The following TRHDE variants were observed in gnomAD, a reference collection of about 807,000 sequenced individuals.
TRHDE encodes the protein thyrotropin releasing hormone degrading enzyme.
TRHDE carries 72 observed loss-of-function variants against 125.7 expected under a neutral mutation model. That is an observed-to-expected ratio of 0.57 (90% confidence interval 0.47 to 0.70). The LOEUF (loss-of-function observed/expected upper bound fraction) is 0.70, where lower values mean the gene tolerates loss of function less well. Among genes scored for constraint, TRHDE ranks in the 30% least tolerant of loss-of-function variants. The pLI, the probability that TRHDE is intolerant of heterozygous loss-of-function variation, is 0.00. For synonymous variants in TRHDE, 509 were observed against 509.1 expected, an observed-to-expected ratio of 1.00 and a Z score of 0.00; for missense variants, 1,110 against 1,327.1, an observed-to-expected ratio of 0.84 and a Z score of 2.54.
chr12:72,228,827 A>G (rs1878188824), intron 2 of TRHDE, among the ~76,000 whole-genome samples: 1 of 152,196 alleles, frequency 6.6e-6, no homozygotes, highest in Admixed American at 6.5e-5. Flanking sequence ...AAGTTCCACA[A>G]ATCTCTAGGG....
intron 3 of TRHDE, among the ~76,000 whole-genome samples, chr12:72,416,089 T>C (rs574374609): frequency 6.6e-6 from 1 of 152,052 alleles, no homozygotes; most frequent in East Asian, 1.9e-4. Context: ...CCTGTTTTTT[T>C]TAACTTTGGT....
intron 2 of TRHDE, among the ~76,000 whole-genome samples, chr12:72,260,272 A>C (rs777512399): frequency 2.0e-5 from 3 of 152,196 alleles, no homozygotes; most frequent in Non-Finnish European, 4.4e-5. Flanking sequence ...TCTCCAGGAG[A>C]ACCATCATTT....
intron 6 of TRHDE, among the ~76,000 whole-genome samples, chr12:72,528,687 C>T (rs1868392537): frequency 6.6e-6 from 1 of 152,000 alleles, no homozygotes; most frequent in Non-Finnish European, 1.5e-5. Context: ...CGGGGTTTCA[C>T]CATGTTGTTC....
At chr12:72,130,418 A>G (rs142328979) in intron 2 of TRHDE, among the ~76,000 whole-genome samples, 7 of 152,198 alleles carry the variant, frequency 4.6e-5, no homozygotes, top group African/African-American at 7.2e-5. Flanking sequence ...AGTTATAAAG[A>G]TAGTATTGTA....
chr12:72,134,160 T>C (rs1875928200), intron 2 of TRHDE, among the ~76,000 whole-genome samples: 1 of 152,188 alleles, frequency 6.6e-6, no homozygotes, highest in Non-Finnish European at 1.5e-5. Context: ...AAAGTAACCA[T>C]AGTTTGAAAA....
At chr12:72,133,686 A>T (rs1014513455) in intron 2 of TRHDE, among the ~76,000 whole-genome samples, 1 of 152,196 alleles carries the variant, frequency 6.6e-6, no homozygotes, top group East Asian at 1.9e-4. Context: ...CCCTTGTTGC[A>T]TGCCAAAGGC....
At position 72,251,447 on chromosome 12, in the gene TRHDE, A is replaced by T. The variant is rs1416134265; in HGVS notation, n.280-126548A>T. ...CTTTTTTTTTTTTTTTTCACTCAGC[A>T]CAATTACCTGGAGATGCATCCAAGT... On this transcript the variant is annotated intron_variant and non_coding_transcript_variant, in intron 2 of 4. Transcript: ENST00000548156. 7.5e-5 allele frequency among the ~76,000 whole-genome samples: 11 copies of T among 147,272 alleles called. No homozygotes were observed. The Admixed American group carries it at 7.5e-4, about 10-fold the overall frequency.
chr12:72,317,346 G>A (rs767617752), intron 2 of TRHDE, among the ~76,000 whole-genome samples: 2 of 152,138 alleles, frequency 1.3e-5, no homozygotes, highest in Non-Finnish European at 2.9e-5. Flanking sequence ...GATAAAAATT[G>A]TAATACAGAT....
chr12:72,092,698 G>C (rs555264895), intron 1 of TRHDE, among the ~76,000 whole-genome samples: 1 of 152,130 alleles, frequency 6.6e-6, no homozygotes, highest in Non-Finnish European at 1.5e-5. Context: ...TAGTCTAGGG[G>C]CATGTGCTTT....
At chr12:72,447,261 T>C (rs898190250) in intron 3 of TRHDE, among the ~76,000 whole-genome samples, 4 of 152,108 alleles carry the variant, frequency 2.6e-5, no homozygotes, top group African/African-American at 9.7e-5. Flanking sequence ...TGCTCCTGAA[T>C]GGCTACTGGG....
rs1192848163 is a variant in TRHDE, at chr12:72,095,343, CAAGT to C, written n.174+7905_174+7908del. Among the ~76,000 whole-genome samples the C allele has an allele frequency of 5.3e-5, 8 of 152,104 alleles. 1 individual carries two copies. Among genetic ancestry groups the C allele is most frequent in the Admixed American group, 3.9e-4 (6 of 15,278 alleles). The stretch of plus-strand genomic sequence containing the variant: ...ACAATATCCAATTTGGCATTTGAAG[CAAGT>C]GTTATAAATATAGACTGTAGAGATC... On this transcript the variant is annotated intron_variant and non_coding_transcript_variant, in intron 1 of 4. Transcript: ENST00000548156.
At chr12:72,154,183 TTTAAAGTCTGTTTTA>T (rs1876444311) in intron 2 of TRHDE, among the ~76,000 whole-genome samples, 1 of 152,134 alleles carries the variant, frequency 6.6e-6, no homozygotes, top group African/African-American at 2.4e-5. Context: ...TCTTTGTTGG[TTTAAAGTCTGTTTTA>T]TCAGAGACTA....
chr12:72,505,483 A>G (rs955664659), intron 6 of TRHDE, among the ~76,000 whole-genome samples: 3 of 152,212 alleles, frequency 2.0e-5, no homozygotes, highest in Non-Finnish European at 4.4e-5. Context: ...CATTAAATTT[A>G]CATATGATGC....
chr12:72,130,028 G>A lies in TRHDE; in HGVS notation n.279+24276G>A, dbSNP rs117071204. ...TTAAAGATTACGTTTTAGACTGGGC[G>A]CGGTGGCTCACGCCTGTAATCCCAG... On this transcript the variant is annotated intron_variant and non_coding_transcript_variant, in intron 2 of 4. Transcript: ENST00000548156. 7.3e-3 allele frequency among the ~76,000 whole-genome samples: 1,109 copies of A among 152,266 alleles called. 19 individuals carry two copies. Among genetic ancestry groups the A allele is most frequent in the Non-Finnish European group, 6.3e-3 (430 of 68,028 alleles).
chr12:72,228,391 A>T (rs988195812), intron 2 of TRHDE, among the ~76,000 whole-genome samples: 3 of 152,120 alleles, frequency 2.0e-5, no homozygotes, highest in Admixed American at 2.0e-4. Flanking sequence ...GGCCTGTTTT[A>T]GCCATGGCGT....
At chr12:72,264,365 T>C (rs1879018751) in intron 2 of TRHDE, 1 of 152,030 alleles carries the variant, frequency 6.6e-6, no homozygotes, top group Non-Finnish European at 1.5e-5. Flanking sequence ...AAAACAGGAC[T>C]AAGCAGTGTT....
In TRHDE at chr12:72,648,993, A is replaced by G. The variant is rs1189125896; in HGVS notation, c.2676-3329A>G. The stretch of plus-strand genomic sequence containing the variant: ...CTATCCAAAGCAATCTACAGATTTA[A>G]TGCAATTTCTATCAAAATTCCAATG... On this transcript the variant is annotated intron_variant, in intron 15 of 18. Coordinates refer to ENST00000261180, the MANE Select transcript of TRHDE (RefSeq NM_013381.3). Among the ~76,000 whole-genome samples, 9 of 152,208 alleles carry G rather than the reference A, an allele frequency of 5.9e-5. No individual in the cohort carries two copies. In the East Asian group the frequency reaches 1.7e-3, roughly 29 times the overall value.
intron 2 of TRHDE, among the ~76,000 whole-genome samples, chr12:72,347,666 GC>G (rs1870389064): frequency 6.6e-6 from 1 of 151,952 alleles, no homozygotes; most frequent in African/African-American, 2.4e-5. Flanking sequence ...TTTCTTGCTG[GC>G]ATTGGCTGGA....
intron 2 of TRHDE, among the ~76,000 whole-genome samples, chr12:72,294,624 G>T (rs1880217123): frequency 6.6e-6 from 1 of 152,114 alleles, no homozygotes; most frequent in African/African-American, 2.4e-5. Flanking sequence ...GGTGGCCATG[G>T]TTGGGCCGGG....
Sources: gnomAD v4.1 joint callset for allele counts (sites outside exome capture counted in the v4.1 genomes callset) on GRCh38, gnomAD v4.1.1 for gene constraint, MANE v1.5 for transcripts, NCBI Gene and HGNC (gene_info 2026-07-23, HGNC 2026-07-21) for gene names.